Variants in ADAMTSL1 observed in about 807,000 individuals in gnomAD.
ADAMTSL1 encodes ADAMTS-like protein 1.
ADAMTSL1 carries 126 observed loss-of-function variants against 201.8 expected under a neutral mutation model. The ratio of observed to expected loss-of-function variants is 0.62; its 90% confidence interval spans 0.54 to 0.72. The LOEUF (loss-of-function observed/expected upper bound fraction) is 0.72. Among genes scored for constraint, ADAMTSL1 ranks in the 30% least tolerant of loss-of-function variants. ADAMTSL1 has a pLI of 0.00. For missense variants in ADAMTSL1, 2,679 were observed against 2,277.8 expected, an observed-to-expected ratio of 1.18 and a Z score of -3.59; for synonymous variants, 1,121 against 903.4, an observed-to-expected ratio of 1.24 and a Z score of -4.32.
intron 14 of ADAMTSL1, among the ~76,000 whole-genome samples, chr9:18,715,542 C>T (rs1192984360): frequency 6.6e-6 from 1 of 151,980 alleles, no homozygotes; most frequent in Non-Finnish European, 1.5e-5. Context: ...ATGTGAAGGA[C>T]CTCTTCAAAG....
chr9:18,203,169 C>G (rs1036267709), intron 2 of ADAMTSL1, among the ~76,000 whole-genome samples: 3 of 152,212 alleles, frequency 2.0e-5, no homozygotes, highest in Admixed American at 1.3e-4. Flanking sequence ...ACAGTAAGCT[C>G]TGCTGGAGGC....
intron 4 of ADAMTSL1, among the ~76,000 whole-genome samples, chr9:18,576,818 G>A (rs1475753219): frequency 6.6e-6 from 1 of 152,020 alleles, no homozygotes; most frequent in African/African-American, 2.4e-5. Flanking sequence ...ACCGTATCTA[G>A]GTACTTTATT....
At chr9:18,312,294 A>G (rs1029633021) in intron 2 of ADAMTSL1, among the ~76,000 whole-genome samples, 4 of 152,224 alleles carry the variant, frequency 2.6e-5, no homozygotes, top group African/African-American at 9.6e-5. Context: ...CACCTGGTAT[A>G]TCTAAAAGCT....
intron 1 of ADAMTSL1, among the ~76,000 whole-genome samples, chr9:18,135,003 C>T (rs114798819): frequency 0.012 from 1,824 of 152,202 alleles, 41 homozygotes; most frequent in African/African-American, 0.041. Flanking sequence ...TAGAAAAACA[C>T]GGGATCAGAC....
rs894281644 is a variant in ADAMTSL1, at chr9:18,721,580, G to A, written c.1921G>A (p.Glu641Lys). The A allele has an allele frequency of 2.5e-6, 4 of 1,613,970 alleles. No homozygotes were observed. The highest frequency in any genetic ancestry group is 3.4e-6 in the Non-Finnish European group (4 of 1,179,884). Residue 641 changes from glutamate to lysine, a missense_variant, in exon 15 of 29, where the codon GAG becomes AAG. Glu to Lys is a moderately conservative substitution (Grantham distance 56). Transcript: ENST00000380548. ...GAGCTGCTTGAACAAACAGACTCGG[G>A]AGCCTGCTGAGGAGAACCTGTGCGT... ...VVSCLNKQTR[E>K]PAEENLCVTS...
intron 2 of ADAMTSL1, among the ~76,000 whole-genome samples, chr9:18,269,845 CTTTTT>C (rs11376831): frequency 0.048 from 6,928 of 145,548 alleles, 243 homozygotes; most frequent in Non-Finnish European, 0.075. Context: ...CCTCTTCATC[CTTTTT>C]TTTTTTTTTT....
rs181516919 is a variant in ADAMTSL1 at position 18,615,999 on chromosome 9, C to T, written c.475-6244C>T. Among the ~76,000 whole-genome samples the T allele has an allele frequency of 2.2e-3, 337 of 152,236 alleles. 2 individuals are homozygous for T. The highest frequency in any genetic ancestry group is 7.0e-3 in the African/African-American group (290 of 41,540). On this transcript the variant is annotated intron_variant, in intron 4 of 28. Coordinates refer to ENST00000380548, the MANE Select transcript of ADAMTSL1 (RefSeq NM_001040272.6). ...AATCAGACCATCATAATGCTCTTTA[C>T]CTGGATGATTTGTTTTGGCTTCTTA...
At chr9:18,497,306 C>T (rs929897067) in intron 1 of ADAMTSL1, among the ~76,000 whole-genome samples, 3 of 151,610 alleles carry the variant, frequency 2.0e-5, no homozygotes, top group Admixed American at 6.6e-5. Flanking sequence ...GTAGTTTCTA[C>T]AGGATACAGT....
At chr9:18,283,632 G>C (rs78377810) in intron 2 of ADAMTSL1, among the ~76,000 whole-genome samples, 9 of 117,706 alleles carry the variant, frequency 7.6e-5, no homozygotes, top group Admixed American at 6.5e-4. Flanking sequence ...AAAAAAAAAG[G>C]CTGGGTGCAG....
intron 2 of ADAMTSL1, among the ~76,000 whole-genome samples, chr9:18,326,698 TC>T (rs1246920148): frequency 2.0e-5 from 3 of 152,168 alleles, no homozygotes; most frequent in Non-Finnish European, 4.4e-5. Context: ...ATGCATCCCT[TC>T]CCCCTTGGTA....
At chr9:17,959,336 T>C (rs527386844) in intron 1 of ADAMTSL1, among the ~76,000 whole-genome samples, 11 of 152,340 alleles carry the variant, frequency 7.2e-5, no homozygotes, top group Non-Finnish European at 1.5e-4. Context: ...TTTTGTATGA[T>C]TAAAAGTTTA....
intron 2 of ADAMTSL1, among the ~76,000 whole-genome samples, chr9:18,269,424 C>T (rs1832269170): frequency 6.6e-6 from 1 of 152,128 alleles, no homozygotes; most frequent in African/African-American, 2.4e-5. Flanking sequence ...ATAAACTTGA[C>T]ACTTTGAGTT....
At chr9:18,222,948 A>C (rs1467981688) in intron 2 of ADAMTSL1, among the ~76,000 whole-genome samples, 1 of 152,046 alleles carries the variant, frequency 6.6e-6, no homozygotes, top group Non-Finnish European at 1.5e-5. Flanking sequence ...GTATCTGTAT[A>C]GATAATCTGT....
chr9:18,623,142 C>T (rs539299261), intron 5 of ADAMTSL1, among the ~76,000 whole-genome samples: 5 of 152,156 alleles, frequency 3.3e-5, no homozygotes, highest in Admixed American at 2.0e-4. Flanking sequence ...GTGATCCACC[C>T]GCCTCAGCCC....
At chr9:18,127,023 G>C (rs918506388) in intron 1 of ADAMTSL1, among the ~76,000 whole-genome samples, 2 of 152,146 alleles carry the variant, frequency 1.3e-5, no homozygotes, top group Admixed American at 1.3e-4. Context: ...TGTCCGTCAA[G>C]ATGCTGGGCA....
intron 1 of ADAMTSL1, among the ~76,000 whole-genome samples, chr9:18,037,887 T>C (rs1286537928): frequency 6.6e-6 from 1 of 152,172 alleles, no homozygotes; most frequent in African/African-American, 2.4e-5. Context: ...AGGCATGTTC[T>C]CCAGGAAAAA....
At chr9:18,145,581 C>G (rs1233907132) in intron 1 of ADAMTSL1, among the ~76,000 whole-genome samples, 1 of 152,098 alleles carries the variant, frequency 6.6e-6, no homozygotes, top group Non-Finnish European at 1.5e-5. Context: ...AGACACAGAC[C>G]TCATATCTTT....
intron 2 of ADAMTSL1, among the ~76,000 whole-genome samples, chr9:18,205,865 G>A (rs1272918144): frequency 6.6e-6 from 1 of 151,692 alleles, no homozygotes; most frequent in Non-Finnish European, 1.5e-5. Context: ...ACCAGCCTGG[G>A]CAACATGGTG....
At chr9:18,888,335 T>C (rs551269342) in intron 24 of ADAMTSL1, among the ~76,000 whole-genome samples, 1 of 152,354 alleles carries the variant, frequency 6.6e-6, no homozygotes, top group South Asian at 2.1e-4. Context: ...CACCACTATA[T>C]ATCAAAGTCA....
Sources: allele counts gnomAD v4.1 joint callset (sites outside exome capture counted in the v4.1 genomes callset), GRCh38; gene constraint gnomAD v4.1.1; transcripts MANE v1.5; gene names NCBI Gene and HGNC (gene_info 2026-07-23, HGNC 2026-07-21).